CCSER1: variants seen among roughly 807,000 people sequenced by gnomAD.
CCSER1 encodes coiled-coil serine rich protein 1, also known as serine-rich coiled-coil domain-containing protein 1.
A neutral mutation model predicts 82.0 loss-of-function variants in CCSER1; 41 were observed. The ratio of observed to expected loss-of-function variants is 0.50; its 90% confidence interval spans 0.39 to 0.65. The LOEUF is 0.65. Among genes scored for constraint, CCSER1 ranks in the 30% least tolerant of loss-of-function variants. CCSER1 has a pLI of 0.00. For missense variants in CCSER1, 1,119 were observed against 1,064.2 expected (o/e 1.05, Z -0.72); for synonymous variants, 414 against 383.9 (o/e 1.08, Z -0.92).
chr4:91,264,060 C>G lies in CCSER1; in HGVS notation c.2217+178066C>G, dbSNP rs116410237. Among the ~76,000 whole-genome samples the G allele has an allele frequency of 3.8e-3, 577 of 151,906 alleles. 2 individuals are homozygous for G. The highest frequency in any genetic ancestry group is 0.014 in the Middle Eastern group (4 of 294). On this transcript the variant is annotated intron_variant, in intron 10 of 10. Transcript: ENST00000509176. ...AGAAATAATTACACTACCATGTACC[C>G]GAACCATAAATATGTGTTCTGCTGA...
At chr4:90,253,612 G>C (rs1332411645) in intron 1 of CCSER1, among the ~76,000 whole-genome samples, 4 of 152,026 alleles carry the variant, frequency 2.6e-5, no homozygotes, top group Non-Finnish European at 4.4e-5. Flanking sequence ...ATGCTTTCAA[G>C]ATTTTCCTTA....
At chr4:90,131,522 A>G (rs1389032251) in intron 1 of CCSER1, among the ~76,000 whole-genome samples, 1 of 152,180 alleles carries the variant, frequency 6.6e-6, no homozygotes, top group Non-Finnish European at 1.5e-5. Context: ...AAAGAATAAC[A>G]GTATTAATAG....
At chr4:91,299,436 C>A (rs1744484858) in intron 10 of CCSER1, among the ~76,000 whole-genome samples, 1 of 151,932 alleles carries the variant, frequency 6.6e-6, no homozygotes, top group Non-Finnish European at 1.5e-5. Context: ...CTAGTACTTG[C>A]AATATGTCAA....
At chr4:90,385,940 T>C (rs925733532) in intron 3 of CCSER1, among the ~76,000 whole-genome samples, 1 of 152,138 alleles carries the variant, frequency 6.6e-6, no homozygotes, top group Non-Finnish European at 1.5e-5. Flanking sequence ...CCTGAGAGTA[T>C]GTTTAACCAA....
chr4:90,515,250 T>A (rs1366133565), intron 5 of CCSER1, among the ~76,000 whole-genome samples: 2 of 152,222 alleles, frequency 1.3e-5, no homozygotes, highest in Non-Finnish European at 2.9e-5. Flanking sequence ...AAATGTCTGT[T>A]CTATGCAATG....
intron 1 of CCSER1, among the ~76,000 whole-genome samples, chr4:90,242,072 C>T (rs777740992): frequency 4.6e-5 from 7 of 152,104 alleles, no homozygotes; most frequent in Non-Finnish European, 1.0e-4. Context: ...TTTTGGAAGC[C>T]GAGGTGGGCA....
intron 9 of CCSER1, among the ~76,000 whole-genome samples, chr4:91,036,192 A>G (rs10002981): frequency 0.041 from 6,202 of 152,286 alleles, 161 homozygotes; most frequent in Middle Eastern, 0.065. Context: ...ATCCAACTGC[A>G]TAAGATACCA....
intron 4 of CCSER1, among the ~76,000 whole-genome samples, chr4:90,409,323 A>G (rs1185842892): frequency 6.6e-6 from 1 of 152,186 alleles, no homozygotes; most frequent in Non-Finnish European, 1.5e-5. Flanking sequence ...CAAGAAACAT[A>G]ATTGTCAGAT....
chr4:91,596,892 C>G (rs1764605273), intron 10 of CCSER1, among the ~76,000 whole-genome samples: 1 of 151,772 alleles, frequency 6.6e-6, no homozygotes, highest in African/African-American at 2.4e-5. Flanking sequence ...AAGATGACAT[C>G]ACAGACATCA....
chr4:91,022,890 A>G (rs1319949770), intron 9 of CCSER1, among the ~76,000 whole-genome samples: 1 of 151,970 alleles, frequency 6.6e-6, no homozygotes, highest in Non-Finnish European at 1.5e-5. Flanking sequence ...GTTTGAGTTC[A>G]TTGTAGATTC....
At chr4:91,478,822 A>G (rs1224030150) in intron 10 of CCSER1, among the ~76,000 whole-genome samples, 2 of 151,910 alleles carry the variant, frequency 1.3e-5, no homozygotes, top group African/African-American at 4.8e-5. Flanking sequence ...CGTTTAATAT[A>G]GAATTTAAGA....
chr4:90,827,841 A>T (rs1420448231), intron 8 of CCSER1, among the ~76,000 whole-genome samples: 1 of 152,194 alleles, frequency 6.6e-6, no homozygotes, highest in Admixed American at 6.5e-5. Flanking sequence ...CATGTGCACC[A>T]GAACATTGCA....
chr4:90,535,182 A>T (rs1775160658), intron 5 of CCSER1, among the ~76,000 whole-genome samples: 2 of 152,106 alleles, frequency 1.3e-5, no homozygotes, highest in Non-Finnish European at 2.9e-5. Context: ...TCTAGAACCT[A>T]TTAATATTTG....
intron 1 of CCSER1, among the ~76,000 whole-genome samples, chr4:90,139,210 A>G (rs1021794789): frequency 1.1e-4 from 16 of 152,186 alleles, no homozygotes; most frequent in African/African-American, 3.9e-4. Context: ...TCTTATTTAC[A>G]TAAAAGATAT....
At chr4:91,194,357 A>G (rs1735237195) in intron 10 of CCSER1, among the ~76,000 whole-genome samples, 1 of 152,228 alleles carries the variant, frequency 6.6e-6, no homozygotes, top group African/African-American at 2.4e-5. Flanking sequence ...TGTAGATGAC[A>G]GTCCTTATAA....
At chr4:90,849,908 G>A (rs771009133) in intron 8 of CCSER1, among the ~76,000 whole-genome samples, 11 of 151,982 alleles carry the variant, frequency 7.2e-5, no homozygotes, top group Admixed American at 1.3e-4. Flanking sequence ...AATGTCCCCA[G>A]GGCATGTCAG....
intron 10 of CCSER1, among the ~76,000 whole-genome samples, chr4:91,579,643 G>A (rs1299961631): frequency 6.6e-6 from 1 of 151,670 alleles, no homozygotes; most frequent in Non-Finnish European, 1.5e-5. Context: ...TCAAGAGCAG[G>A]TAAATAATAT....
intron 4 of CCSER1, among the ~76,000 whole-genome samples, chr4:90,467,769 C>G (rs1763836183): frequency 6.6e-6 from 1 of 151,728 alleles, no homozygotes; most frequent in African/African-American, 2.4e-5. Flanking sequence ...CAGAAATAGG[C>G]AAAACTTATT....
At chr4:91,456,942 T>C (rs1756212703) in intron 10 of CCSER1, among the ~76,000 whole-genome samples, 1 of 152,140 alleles carries the variant, frequency 6.6e-6, no homozygotes, top group Non-Finnish European at 1.5e-5. Context: ...AGTAATTCTT[T>C]CGTGTCATAT....
Sources: gnomAD v4.1 joint callset for allele counts (sites outside exome capture counted in the v4.1 genomes callset) on GRCh38, gnomAD v4.1.1 for gene constraint, MANE v1.5 for transcripts, NCBI Gene and HGNC (gene_info 2026-07-23, HGNC 2026-07-21) for gene names.